The following CHST13 variants were observed in gnomAD, a reference collection of about 807,000 sequenced individuals.
CHST13 encodes carbohydrate sulfotransferase 13, also known as C4ST-3.
In CHST13, 1 loss-of-function variant was observed where a neutral mutation model predicts 7.0. The observed-to-expected ratio is 0.14, with a 90% CI of 0.05 to 0.68. The LOEUF is 0.68. CHST13 is among the 30% of genes least tolerant of loss of function. The pLI, the probability that CHST13 is intolerant of heterozygous loss-of-function variation, is 0.82. For synonymous variants in CHST13, 257 were observed against 240.9 expected (o/e 1.07, Z -0.62); for missense variants, 572 against 507.9 (o/e 1.13, Z -1.21).
chr3:126,537,575 G>A (rs1021042432), intron 2 of CHST13, among the ~76,000 whole-genome samples: 7 of 152,156 alleles, frequency 4.6e-5, no homozygotes, highest in Non-Finnish European at 1.0e-4. Context: ...TTCGCAGAGT[G>A]TGACTGACTG....
chr3:126,533,662 G>A lies in CHST13; in HGVS notation c.98-2609G>A, dbSNP rs144247846. On this transcript the variant is annotated intron_variant, in intron 1 of 2. Coordinates refer to ENST00000319340, the MANE Select transcript of CHST13 (RefSeq NM_152889.3). ...AGAACTTTGCACTTATATTCATAAG[G>A]GACATGGCTCTGTAGTTCCCTTTTC... Among the ~76,000 whole-genome samples the A allele has an allele frequency of 5.1e-3, 772 of 152,136 alleles. 6 individuals carry two copies. The highest frequency in any genetic ancestry group is 0.018 in the African/African-American group (747 of 41,506).
At chr3:126,526,947 G>T (rs949510291) in intron 1 of CHST13, 1 of 152,250 alleles carries the variant, frequency 6.6e-6, no homozygotes, top group Non-Finnish European at 1.5e-5. Context: ...TTGTCTGCTC[G>T]TGCAGGTACT....
chr3:126,537,522 A>T (rs1936823278), intron 2 of CHST13, among the ~76,000 whole-genome samples: 1 of 152,022 alleles, frequency 6.6e-6, no homozygotes, highest in African/African-American at 2.4e-5. Flanking sequence ...GGGCCTGTGG[A>T]GCTCATCTGG....
intron 1 of CHST13, among the ~76,000 whole-genome samples, chr3:126,526,025 C>T (rs1936530899): frequency 6.6e-6 from 1 of 152,220 alleles, no homozygotes; most frequent in Non-Finnish European, 1.5e-5. Context: ...GCCTGTCCTG[C>T]TCTTGGCCAT....
intron 1 of CHST13, among the ~76,000 whole-genome samples, chr3:126,528,143 G>C (rs902616272): frequency 6.6e-6 from 1 of 151,676 alleles, no homozygotes; most frequent in African/African-American, 2.4e-5. Context: ...GCTGTGGGTG[G>C]GGCTCTGGGT....
Position 126,542,315 on chromosome 3 carries a change from C to A in CHST13, c.763C>A (p.His255Asn). Residue 255 changes from histidine to asparagine, a missense_variant, in exon 3 of 3, where the codon CAC (histidine) becomes AAC (asparagine). His to Asn is a moderately conservative substitution (Grantham distance 68). Coordinates refer to ENST00000319340, the MANE Select transcript of CHST13 (RefSeq NM_152889.3). ...EHWERAHALC[H>N]PCRLRYDVVG... The stretch of plus-strand genomic sequence containing the variant: ...CTGGGAGCGCGCGCACGCGCTCTGC[C>A]ACCCGTGTCGCCTCCGCTACGACGT... 6.4e-7 allele frequency: 1 copy of A among 1,569,138 alleles called. No homozygotes were observed. Among genetic ancestry groups the A allele is most frequent in the Admixed American group, 1.8e-5 (1 of 56,174 alleles).
In CHST13 at chr3:126,528,772, A is replaced by C. The variant is rs73194065; in HGVS notation, c.97+4343A>C. Among the ~76,000 whole-genome samples, 1,401 of 152,276 alleles carry C rather than the reference A, an allele frequency of 9.2e-3. 17 individuals carry two copies. Among genetic ancestry groups the C allele is most frequent in the Non-Finnish European group, 0.011 (751 of 67,998 alleles). On this transcript the variant is annotated intron_variant, in intron 1 of 2. Coordinates refer to ENST00000319340, the MANE Select transcript of CHST13 (RefSeq NM_152889.3). The stretch of plus-strand genomic sequence containing the variant: ...TGGAGTTTGAACTAAATACACGTGG[A>C]GAGATCTCTAGTTCTCTCCCCTAAA...
chr3:126,529,864 G>T (rs992834982), intron 1 of CHST13, among the ~76,000 whole-genome samples: 42 of 152,218 alleles, frequency 2.8e-4, no homozygotes, highest in African/African-American at 9.6e-4. Flanking sequence ...GTGCTGCTCT[G>T]GGATGGGCCC....
chr3:126,541,999 G>C lies in CHST13; in HGVS notation c.447G>C (p.Leu149=). 6.4e-7 allele frequency: 1 copy of C among 1,560,854 alleles called. No individual in the cohort carries two copies. The highest frequency in any genetic ancestry group is 8.6e-7 in the Non-Finnish European group (1 of 1,158,226). ...SAQEAHAPGR[L]PSLADFSPAE... Reference sequence around the variant, plus strand: ...AAGAGGCGCACGCGCCTGGCCGCCTGCCCTCACTGGCCGACTTCAGCCCCG... The same window carrying C: ...AAGAGGCGCACGCGCCTGGCCGCCTCCCCTCACTGGCCGACTTCAGCCCCG... The change falls in exon 3 of 3, where the codon CTG becomes CTC. Residue 149 remains leucine, a synonymous_variant. Coordinates refer to ENST00000319340, the MANE Select transcript of CHST13 (RefSeq NM_152889.3).
chr3:126,541,820 C>A lies in CHST13; in HGVS notation c.268C>A (p.Leu90Met). ...ACSRHSRRQRLLQPEDLRHVL... is the reference protein window; with the variant it reads ...ACSRHSRRQRMLQPEDLRHVL... ...TAGCCGCCACTCACGCCGGCAGCGCCTGCTACAGCCGGAGGACCTGCGGCA... is the reference window on the plus strand; with the variant it reads ...TAGCCGCCACTCACGCCGGCAGCGCATGCTACAGCCGGAGGACCTGCGGCA... Residue 90 changes from leucine to methionine, a missense_variant, in exon 3 of 3, where the codon CTG becomes ATG. Coordinates refer to ENST00000319340, the MANE Select transcript of CHST13 (RefSeq NM_152889.3). 6.4e-7 allele frequency: 1 copy of A among 1,564,474 alleles called. No individual in the cohort carries two copies. The highest frequency in any genetic ancestry group is 1.2e-5 in the South Asian group (1 of 84,996).
chr3:126,537,434 C>T (rs1346752485), intron 2 of CHST13, among the ~76,000 whole-genome samples: 1 of 152,218 alleles, frequency 6.6e-6, no homozygotes, highest in African/African-American at 2.4e-5. Flanking sequence ...CTTGGGGTAT[C>T]CCTACTGCTG....
At chr3:126,532,049 T>C (rs1218161908) in intron 1 of CHST13, among the ~76,000 whole-genome samples, 1 of 152,246 alleles carries the variant, frequency 6.6e-6, no homozygotes, top group African/African-American at 2.4e-5. Flanking sequence ...TTCATGTGCT[T>C]ATTGCTGTAG....
In CHST13 at chr3:126,524,283, G is replaced by T; in HGVS notation, c.-50G>T. On this transcript the variant is annotated 5_prime_UTR_variant, in exon 1 of 3. Coordinates refer to ENST00000319340, the MANE Select transcript of CHST13 (RefSeq NM_152889.3). ...CCGGGTCCTGGGCCAGTGCAACTCC[G>T]CCCCCAGCCGTATCCAGCGGACTGT... The T allele has an allele frequency of 8.3e-7, 1 of 1,212,056 alleles. No homozygotes were observed. The highest frequency in any genetic ancestry group is 1.0e-6 in the Non-Finnish European group (1 of 973,634). 75.1% of individuals were successfully genotyped at this position (1,212,056 alleles called of 1,614,324 possible). A position where few individuals can be genotyped will look rare whatever the true frequency, so the allele number is the denominator to read the frequency against.
chr3:126,533,369 GCCCTTTATCAGTTT>G (rs1231191613), intron 1 of CHST13, among the ~76,000 whole-genome samples: 4 of 152,148 alleles, frequency 2.6e-5, no homozygotes, highest in Non-Finnish European at 5.9e-5. Context: ...TTTCGTTGAT[GCCCTTTATCAGTTT>G]GGCAAAGTTT....
chr3:126,539,486 CATAT>C (rs1283451303), intron 2 of CHST13, among the ~76,000 whole-genome samples: 8 of 146,706 alleles, frequency 5.5e-5, no homozygotes, highest in African/African-American at 7.6e-5. Flanking sequence ...CACACACACA[CATAT>C]GTACCCCACA....
intron 1 of CHST13, among the ~76,000 whole-genome samples, chr3:126,528,644 G>C (rs191514599): frequency 4.3e-4 from 66 of 152,254 alleles, no homozygotes; most frequent in Non-Finnish European, 8.1e-4. Flanking sequence ...GAAGGTGGAA[G>C]TGGGGTCCGG....
chr3:126,540,599 C>T (rs1256971162), intron 2 of CHST13, among the ~76,000 whole-genome samples: 1 of 152,228 alleles, frequency 6.6e-6, no homozygotes. Context: ...TATTCCATTG[C>T]ATGGATGGCC....
intron 1 of CHST13, among the ~76,000 whole-genome samples, chr3:126,528,470 TG>T (rs1936579716): frequency 1.3e-5 from 2 of 151,944 alleles, no homozygotes; most frequent in Admixed American, 1.3e-4. Flanking sequence ...TGGTGGGCCT[TG>T]GGGGGAACCA....
At chr3:126,533,134 C>A (rs1936692782) in intron 1 of CHST13, among the ~76,000 whole-genome samples, 1 of 152,192 alleles carries the variant, frequency 6.6e-6, no homozygotes, top group South Asian at 2.1e-4. Context: ...TTTGTGAATT[C>A]TTTAGGGTTT....
Sources: allele counts gnomAD v4.1 joint callset (sites outside exome capture counted in the v4.1 genomes callset), GRCh38; gene constraint gnomAD v4.1.1; transcripts MANE v1.5; gene names NCBI Gene and HGNC (gene_info 2026-07-23, HGNC 2026-07-21).